Variants in SPAG16 observed in about 807,000 individuals in gnomAD.
SPAG16 encodes the protein sperm-associated antigen 16 protein.
A neutral mutation model predicts 80.4 loss-of-function variants in SPAG16; 86 were observed. The ratio of observed to expected loss-of-function variants is 1.07; its 90% CI spans 0.90 to 1.28. The LOEUF (loss-of-function observed/expected upper bound fraction) is 1.28, where lower values mean the gene tolerates loss of function less well. Ranked by LOEUF, SPAG16 falls within the 50% of genes most tolerant of loss-of-function variation. The pLI is 0.00. For missense variants in SPAG16, 870 were observed against 765.3 expected (o/e 1.14, Z -1.61); for synonymous variants, 294 against 265.9 (o/e 1.11, Z -1.03).
intron 15 of SPAG16, among the ~76,000 whole-genome samples, chr2:214,151,393 A>G (rs1007719918): frequency 1.3e-5 from 2 of 152,104 alleles, no homozygotes; most frequent in Non-Finnish European, 1.5e-5. Flanking sequence ...CAAAATTGAA[A>G]TAAGGATGGG....
At chr2:214,217,150 T>A (rs1007799243) in intron 15 of SPAG16, among the ~76,000 whole-genome samples, 1 of 152,186 alleles carries the variant, frequency 6.6e-6, no homozygotes, top group Non-Finnish European at 1.5e-5. Context: ...TTCAAAAAGG[T>A]TAACATTTTA....
intron 10 of SPAG16, among the ~76,000 whole-genome samples, chr2:213,532,867 T>A (rs1212260133): frequency 6.6e-6 from 1 of 152,194 alleles, no homozygotes; most frequent in Non-Finnish European, 1.5e-5. Flanking sequence ...TTCTATCTTA[T>A]AACCATTTAA....
At chr2:213,755,933 T>C (rs1471079294) in intron 10 of SPAG16, among the ~76,000 whole-genome samples, 4 of 152,182 alleles carry the variant, frequency 2.6e-5, no homozygotes, top group African/African-American at 9.7e-5. Flanking sequence ...TGTGGCTGCA[T>C]TTAACCATCT....
intron 10 of SPAG16, among the ~76,000 whole-genome samples, chr2:213,660,321 G>A (rs1015410582): frequency 7.3e-5 from 11 of 150,952 alleles, no homozygotes; most frequent in African/African-American, 2.7e-4. Context: ...CCAGGCTTGA[G>A]TGCCGTGGCG....
At chr2:214,281,758 A>G (rs1692957905) in intron 15 of SPAG16, among the ~76,000 whole-genome samples, 1 of 152,258 alleles carries the variant, frequency 6.6e-6, no homozygotes, top group Admixed American at 6.5e-5. Context: ...TAGAACCTTT[A>G]TATTCAATAG....
At chr2:214,043,045 A>C (rs985666835) in intron 13 of SPAG16, among the ~76,000 whole-genome samples, 6 of 152,016 alleles carry the variant, frequency 3.9e-5, no homozygotes, top group Admixed American at 6.6e-5. Flanking sequence ...TGTCAAAAAA[A>C]CTCATGCAAA....
At position 214,050,858 on chromosome 2, in the gene SPAG16, A is replaced by C. The variant is rs148490940; in HGVS notation, c.1527+36781A>C. The stretch of plus-strand genomic sequence containing the variant: ...TTTCAGCTTTTGTAAAAAAAGATCA[A>C]CCTGCAAAAGAGATTATAGGGTGTG... On this transcript the variant is annotated intron_variant, in intron 13 of 15. Transcript: ENST00000331683. Among the ~76,000 whole-genome samples the C allele has an allele frequency of 4.4e-3, 671 of 152,306 alleles. 9 individuals carry two copies. Among genetic ancestry groups the C allele is most frequent in the Middle Eastern group, 0.014 (4 of 294 alleles).
chr2:214,168,242 T>TC (rs1385027660), intron 15 of SPAG16, among the ~76,000 whole-genome samples: 2 of 152,116 alleles, frequency 1.3e-5, no homozygotes, highest in Non-Finnish European at 2.9e-5. Context: ...TCTGCCTGCC[T>TC]CAGCCTCCCA....
At chr2:214,125,827 G>A (rs562281069) in intron 14 of SPAG16, among the ~76,000 whole-genome samples, 1 of 151,626 alleles carries the variant, frequency 6.6e-6, no homozygotes, top group Non-Finnish European at 1.5e-5. Context: ...TGACATGGGA[G>A]CCTTCAGGAA....
At chr2:213,430,570 T>G (rs1458589159) in intron 9 of SPAG16, among the ~76,000 whole-genome samples, 1 of 152,220 alleles carries the variant, frequency 6.6e-6, no homozygotes, top group Non-Finnish European at 1.5e-5. Context: ...GCCAAAAGAT[T>G]GGACACCTCT....
intron 13 of SPAG16, among the ~76,000 whole-genome samples, chr2:214,032,026 A>T (rs570934527): frequency 6.6e-6 from 1 of 152,284 alleles, no homozygotes; most frequent in Admixed American, 6.5e-5. Context: ...AATAAGTCCA[A>T]GTTCCAGTTG....
chr2:213,407,672 GAC>G (rs2068706488), intron 9 of SPAG16, among the ~76,000 whole-genome samples: 1 of 145,978 alleles, frequency 6.9e-6, no homozygotes, highest in Admixed American at 6.8e-5. Flanking sequence ...GGGGGAGAGA[GAC>G]AGAGAGGAGA....
At chr2:213,358,309 G>A (rs1202583554) in intron 7 of SPAG16, among the ~76,000 whole-genome samples, 1 of 152,154 alleles carries the variant, frequency 6.6e-6, no homozygotes, top group African/African-American at 2.4e-5. Context: ...GGCCTGCCTT[G>A]CTAGGTTGGG....
chr2:213,624,946 A>G (rs1431432206), intron 10 of SPAG16, among the ~76,000 whole-genome samples: 3 of 152,002 alleles, frequency 2.0e-5, no homozygotes, highest in Non-Finnish European at 4.4e-5. Context: ...ACCTGCCACC[A>G]TGCCCAGCTA....
chr2:214,084,287 G>A (rs1454081863), intron 13 of SPAG16, among the ~76,000 whole-genome samples: 2 of 151,966 alleles, frequency 1.3e-5, no homozygotes, highest in African/African-American at 4.8e-5. Flanking sequence ...CTCTGCCTAA[G>A]GGCATGGTCA....
intron 15 of SPAG16, among the ~76,000 whole-genome samples, chr2:214,232,342 CTT>C (rs1219010970): frequency 6.6e-6 from 1 of 151,922 alleles, no homozygotes; most frequent in Non-Finnish European, 1.5e-5. Flanking sequence ...CTCATCCAAA[CTT>C]GTCATAAAGT....
At chr2:213,507,259 T>G (rs777216267) in intron 10 of SPAG16, among the ~76,000 whole-genome samples, 21 of 152,240 alleles carry the variant, frequency 1.4e-4, no homozygotes, top group Non-Finnish European at 2.8e-4. Flanking sequence ...ATTGTACTGC[T>G]CAAGTTTCCA....
At chr2:213,658,178 T>G (rs1421320576) in intron 10 of SPAG16, among the ~76,000 whole-genome samples, 1 of 151,966 alleles carries the variant, frequency 6.6e-6, no homozygotes, top group Non-Finnish European at 1.5e-5. Flanking sequence ...TGAATTAAAA[T>G]CTTACAAGCC....
chr2:213,311,811 A>G (rs372532128), intron 4 of SPAG16, among the ~76,000 whole-genome samples: 16 of 151,690 alleles, frequency 1.1e-4, no homozygotes, highest in African/African-American at 1.9e-4. Flanking sequence ...CATTTTTACC[A>G]CAGGAAAAAA....
Sources: allele counts gnomAD v4.1 joint callset (sites outside exome capture counted in the v4.1 genomes callset), GRCh38; gene constraint gnomAD v4.1.1; transcripts MANE v1.5; gene names NCBI Gene and HGNC (gene_info 2026-07-23, HGNC 2026-07-21).